The following SLC24A2 variants were observed in gnomAD, a reference collection of about 807,000 sequenced individuals.
SLC24A2 encodes sodium/potassium/calcium exchanger 2.
In SLC24A2, 36 loss-of-function variants were observed where a neutral mutation model predicts 62.0. The ratio of observed to expected loss-of-function variants is 0.58; its 90% confidence interval spans 0.44 to 0.77. The LOEUF (loss-of-function observed/expected upper bound fraction) is 0.77. SLC24A2 is among the 30% of genes least tolerant of loss of function. The probability of loss-of-function intolerance (pLI) is 0.00; values close to 1 mark genes in which losing one functional copy is unlikely to be tolerated. For synonymous variants in SLC24A2, 358 were observed against 294.0 expected, an observed-to-expected ratio of 1.22 and a Z score of -2.23; for missense variants, 846 against 817.9, an observed-to-expected ratio of 1.03 and a Z score of -0.42.
chr9:20,180,469 C>A, the SLC24A2 span, among the ~76,000 whole-genome samples: 11 of 152,236 alleles, frequency 7.2e-5, no homozygotes, highest in Non-Finnish European at 1.5e-4. Context: ...ATAAACCATC[C>A]ATTTTTAAAA....
the SLC24A2 span, among the ~76,000 whole-genome samples, chr9:20,098,422 C>T: frequency 7.9e-5 from 12 of 152,262 alleles, no homozygotes; most frequent in Admixed American, 2.6e-4. Flanking sequence ...AAGATAGATA[C>T]TAAGAAATAC....
chr9:19,945,944 AT>A, the SLC24A2 span, among the ~76,000 whole-genome samples: 1 of 152,126 alleles, frequency 6.6e-6, no homozygotes, highest in Non-Finnish European at 1.5e-5. Context: ...CAGTTTAGGG[AT>A]TGTCTGTGGT....
chr9:19,755,557 A>C (rs140010262), intron 2 of SLC24A2, among the ~76,000 whole-genome samples: 51 of 152,314 alleles, frequency 3.3e-4, no homozygotes, highest in Non-Finnish European at 6.0e-4. Context: ...AAGAGGGGAA[A>C]TTACAGCAAG....
At chr9:19,549,328 G>A (rs1452077366) in intron 8 of SLC24A2, among the ~76,000 whole-genome samples, 1 of 152,192 alleles carries the variant, frequency 6.6e-6, no homozygotes, top group Non-Finnish European at 1.5e-5. Context: ...CCCAACAGGA[G>A]AGTGATATGC....
At chr9:19,801,085 C>T in the SLC24A2 span, among the ~76,000 whole-genome samples, 13 of 152,192 alleles carry the variant, frequency 8.5e-5, 1 homozygote, top group South Asian at 4.1e-4. Context: ...GGTGGCCGGC[C>T]GCTTCCAAAA....
chr9:19,754,590 G>T (rs1822079578), intron 2 of SLC24A2, among the ~76,000 whole-genome samples: 1 of 152,036 alleles, frequency 6.6e-6, no homozygotes, highest in Non-Finnish European at 1.5e-5. Flanking sequence ...GATTTAGAAG[G>T]TGAAAGTCAG....
chr9:20,288,659 G>A, the SLC24A2 span, among the ~76,000 whole-genome samples: 3 of 150,112 alleles, frequency 2.0e-5, no homozygotes, highest in Non-Finnish European at 4.4e-5. Context: ...TTGGAAGGCT[G>A]ATGCACAAGA....
chr9:19,958,575 T>C, the SLC24A2 span, among the ~76,000 whole-genome samples: 1 of 152,212 alleles, frequency 6.6e-6, no homozygotes, highest in Non-Finnish European at 1.5e-5. Context: ...AGGATTCCAG[T>C]GTTAACTTTC....
rs759605985 is a variant in SLC24A2 at position 19,745,317 on chromosome 9, G to A, written c.930+40620C>T. Among the ~76,000 whole-genome samples the A allele has an allele frequency of 1.4e-4, 22 of 152,156 alleles. No individual in the cohort carries two copies. The East Asian group carries it at 2.7e-3, about 19-fold the overall frequency. ...TTTTCTTTGTAAATTACCCAGCCTC[G>A]GGTATTCCTTCATGCAATGCAAATA... On this transcript the variant is annotated intron_variant, in intron 2 of 10. Transcript: ENST00000341998.
chr9:19,940,036 C>A, the SLC24A2 span, among the ~76,000 whole-genome samples: 1 of 152,232 alleles, frequency 6.6e-6, no homozygotes, highest in Non-Finnish European at 1.5e-5. Context: ...TCACTTCTCA[C>A]GACACCCTTG....
chr9:20,078,425 G>C, the SLC24A2 span, among the ~76,000 whole-genome samples: 1 of 151,976 alleles, frequency 6.6e-6, no homozygotes. Context: ...GTCAGCATAG[G>C]TTTCTGGGGC....
chr9:19,740,428 A>G (rs1288286222), intron 2 of SLC24A2, among the ~76,000 whole-genome samples: 1 of 152,218 alleles, frequency 6.6e-6, no homozygotes, highest in Non-Finnish European at 1.5e-5. Flanking sequence ...ATGCAACAAC[A>G]TGAATAAATC....
At chr9:19,919,057 A>G in the SLC24A2 span, among the ~76,000 whole-genome samples, 1 of 152,212 alleles carries the variant, frequency 6.6e-6, no homozygotes, top group African/African-American at 2.4e-5. Flanking sequence ...ACTGAATGGG[A>G]TTTTAATTAT....
At chr9:19,993,134 G>C in the SLC24A2 span, among the ~76,000 whole-genome samples, 389 of 152,308 alleles carry the variant, frequency 2.6e-3, 2 homozygotes, top group African/African-American at 8.8e-3. Flanking sequence ...ATGAGGTACA[G>C]AAAGATGAAT....
intron 5 of SLC24A2, among the ~76,000 whole-genome samples, 188 bp from the exon 6 acceptor site, chr9:19,577,210 C>A (rs1836044765): frequency 6.6e-6 from 1 of 152,146 alleles, no homozygotes; most frequent in African/African-American, 2.4e-5. Flanking sequence ...CAGCCCAATT[C>A]TCTATTTGAG....
chr9:19,601,512 G>C (rs948153864), intron 4 of SLC24A2, among the ~76,000 whole-genome samples: 5 of 152,084 alleles, frequency 3.3e-5, no homozygotes, highest in African/African-American at 9.7e-5. Flanking sequence ...TCACCACGAA[G>C]GTCCACGGCT....
chr9:20,144,225 G>T, the SLC24A2 span, among the ~76,000 whole-genome samples: 2 of 152,300 alleles, frequency 1.3e-5, no homozygotes, highest in Admixed American at 1.3e-4. Flanking sequence ...CTGGCAGATA[G>T]GAACTTTTCA....
At chr9:20,032,296 G>T in the SLC24A2 span, among the ~76,000 whole-genome samples, 10 of 152,162 alleles carry the variant, frequency 6.6e-5, no homozygotes, top group African/African-American at 2.4e-4. Context: ...AATTAACAGA[G>T]GAGAGCTCTC....
the SLC24A2 span, among the ~76,000 whole-genome samples, chr9:20,144,726 G>T: frequency 6.6e-6 from 1 of 152,070 alleles, no homozygotes; most frequent in Non-Finnish European, 1.5e-5. Context: ...ATTCAATCTT[G>T]CATGCTTGGA....
Sources: gnomAD v4.1 joint callset for allele counts (sites outside exome capture counted in the v4.1 genomes callset) on GRCh38, gnomAD v4.1.1 for gene constraint, MANE v1.5 for transcripts, NCBI Gene and HGNC (gene_info 2026-07-23, HGNC 2026-07-21) for gene names.